Variants in LARGE1 observed in about 807,000 individuals in gnomAD.
The protein encoded by LARGE1 is xylosyl- and glucuronyltransferase LARGE1.
Under a neutral mutation model 87.6 loss-of-function variants are expected in LARGE1, and 43 were observed. The ratio of observed to expected loss-of-function variants is 0.49; its 90% CI spans 0.38 to 0.63. The LOEUF (loss-of-function observed/expected upper bound fraction) is 0.63, where lower values mean the gene tolerates loss of function less well. Among genes scored for constraint, LARGE1 ranks in the 30% least tolerant of loss-of-function variants. The pLI is 0.00. For synonymous variants in LARGE1, 434 were observed against 394.6 expected (o/e 1.10, Z -1.18); for missense variants, 802 against 1,000.2 (o/e 0.80, Z 2.67).
intron 5 of LARGE1, among the ~76,000 whole-genome samples, chr22:33,587,287 A>C (rs2078704216): frequency 1.3e-5 from 2 of 152,196 alleles, no homozygotes; most frequent in African/African-American, 2.4e-5. Flanking sequence ...TCCTTGGAGC[A>C]AAGAATTTCT....
At chr22:33,311,920 A>C (rs180991010) in intron 11 of LARGE1, among the ~76,000 whole-genome samples, 1 of 152,344 alleles carries the variant, frequency 6.6e-6, no homozygotes, top group East Asian at 1.9e-4. Flanking sequence ...TGACTTGCCC[A>C]GAACACCAGC....
intron 5 of LARGE1, among the ~76,000 whole-genome samples, chr22:33,583,953 T>G (rs1446696152): frequency 6.6e-6 from 1 of 152,200 alleles, no homozygotes; most frequent in Non-Finnish European, 1.5e-5. Context: ...ACCTCAGAAA[T>G]AAAAATTGGC....
Position 33,202,141 on chromosome 22 carries a change from G to A in LARGE1, c.1731-35309C>T, listed in dbSNP as rs142474916. ...AAAGAATCATTCTGGCTGCTGTGCT[G>A]AGAAACGTAACAATTGTTATTATAT... On this transcript the variant is annotated intron_variant, in intron 11 of 11. Coordinates refer to the LARGE1 transcript ENST00000608642. Among the ~76,000 whole-genome samples the A allele has an allele frequency of 1.6e-3, 240 of 151,998 alleles. 3 individuals carry two copies. The highest frequency in any genetic ancestry group is 5.6e-3 in the African/African-American group (234 of 41,462).
At chr22:33,729,353 T>A (rs2083381745) in intron 2 of LARGE1, among the ~76,000 whole-genome samples, 1 of 151,486 alleles carries the variant, frequency 6.6e-6, no homozygotes, top group Non-Finnish European at 1.5e-5. Context: ...TTGAATTAGG[T>A]CTCTCTCCTT....
rs530791578 is a variant in LARGE1 at position 33,522,454 on chromosome 22, A to C, written c.787+42394T>G. ...ATGCCTGTAATCCCAGCACTGTGGG[A>C]GGTGGAGGTGGAGGCGGGTGGATTG... On this transcript the variant is annotated intron_variant, in intron 6 of 14. Coordinates refer to ENST00000397394, the MANE Select transcript of LARGE1 (RefSeq NM_133642.5). 6.6e-5 allele frequency among the ~76,000 whole-genome samples: 10 copies of C among 152,172 alleles called. No individual in the cohort carries two copies. In the East Asian group the frequency reaches 1.9e-3, roughly 29 times the overall value.
intron 13 of LARGE1, among the ~76,000 whole-genome samples, chr22:33,281,837 C>T (rs763853604): frequency 2.6e-5 from 4 of 152,164 alleles, no homozygotes; most frequent in Non-Finnish European, 5.9e-5. Context: ...AACTGTTGAA[C>T]GAACAACCCA....
At chr22:33,878,134 T>C (rs969058861) in intron 1 of LARGE1, among the ~76,000 whole-genome samples, 2 of 92,406 alleles carry the variant, frequency 2.2e-5, no homozygotes, top group African/African-American at 1.1e-4. Context: ...TATTTCTTTT[T>C]TTTTTTTTTT....
At chr22:33,183,773 A>C (rs1923320415) in intron 11 of LARGE1, among the ~76,000 whole-genome samples, 2 of 152,214 alleles carry the variant, frequency 1.3e-5, no homozygotes, top group Admixed American at 1.3e-4. Context: ...TTACTGTATG[A>C]AAGACGGGTT....
chr22:33,222,078 C>G (rs974556590), intron 11 of LARGE1, among the ~76,000 whole-genome samples: 3 of 152,168 alleles, frequency 2.0e-5, no homozygotes, highest in Non-Finnish European at 4.4e-5. Context: ...TAATTTCTCT[C>G]TATTTCCACT....
At chr22:33,513,186 G>A (rs2071134489) in intron 6 of LARGE1, among the ~76,000 whole-genome samples, 1 of 152,158 alleles carries the variant, frequency 6.6e-6, no homozygotes, top group Non-Finnish European at 1.5e-5. Flanking sequence ...AAGCCCTTTT[G>A]CAGAAAAGGA....
intron 4 of LARGE1, among the ~76,000 whole-genome samples, chr22:33,621,495 C>T (rs561584266): frequency 6.6e-6 from 1 of 152,224 alleles, no homozygotes; most frequent in Admixed American, 6.5e-5. Flanking sequence ...TGCACCAAAT[C>T]TTGTCTGGAA....
intron 4 of LARGE1, among the ~76,000 whole-genome samples, chr22:33,616,481 G>A (rs555987482): frequency 3.7e-4 from 56 of 151,378 alleles, no homozygotes; most frequent in Non-Finnish European, 7.4e-4. Flanking sequence ...GCAGTGAGCC[G>A]AGATCACACC....
intron 11 of LARGE1, among the ~76,000 whole-genome samples, chr22:33,188,687 A>G (rs137405): frequency 0.3 from 45,327 of 152,114 alleles, 7,761 homozygotes; most frequent in Non-Finnish European, 0.39. Context: ...ACTTGCTTAG[A>G]TATAATGACA....
At chr22:33,597,348 C>T (rs1225671380) in intron 5 of LARGE1, among the ~76,000 whole-genome samples, 2 of 151,198 alleles carry the variant, frequency 1.3e-5, no homozygotes, top group Admixed American at 6.6e-5. Flanking sequence ...TGATTTCATG[C>T]TCTCTTCAGT....
chr22:33,386,527 GA>G (rs962246286), intron 7 of LARGE1, among the ~76,000 whole-genome samples: 2 of 145,622 alleles, frequency 1.4e-5, no homozygotes, highest in African/African-American at 2.5e-5. Flanking sequence ...CTCTCTGGGG[GA>G]AAAAAACGGC....
chr22:33,094,112 C>T, the LARGE1 span, among the ~76,000 whole-genome samples: 1 of 152,052 alleles, frequency 6.6e-6, no homozygotes, highest in East Asian at 1.9e-4. Flanking sequence ...TTGCATTGAG[C>T]ATACTTTTGG....
chr22:33,890,593 T>C (rs989265796), intron 1 of LARGE1, among the ~76,000 whole-genome samples: 18 of 152,168 alleles, frequency 1.2e-4, no homozygotes, highest in Non-Finnish European at 2.2e-4. Context: ...TTGAGAATCA[T>C]CAAGAAATTG....
intron 6 of LARGE1, among the ~76,000 whole-genome samples, chr22:33,445,877 T>C (rs1339826741): frequency 6.6e-6 from 1 of 151,948 alleles, no homozygotes; most frequent in Non-Finnish European, 1.5e-5. Context: ...CTCGAACTCC[T>C]GGCCTCAGGT....
chr22:33,487,561 C>A (rs185200794), intron 6 of LARGE1, among the ~76,000 whole-genome samples: 14 of 152,110 alleles, frequency 9.2e-5, no homozygotes, highest in African/African-American at 3.4e-4. Flanking sequence ...GCTGGGTAAT[C>A]AGAGAAAGTG....
Sources: allele counts gnomAD v4.1 joint callset (sites outside exome capture counted in the v4.1 genomes callset), GRCh38; gene constraint gnomAD v4.1.1; transcripts MANE v1.5; gene names NCBI Gene and HGNC (gene_info 2026-07-23, HGNC 2026-07-21).